The following MPDZ variants were observed in gnomAD, a reference collection of about 807,000 sequenced individuals.
MPDZ encodes the protein multiple PDZ domain crumbs cell polarity complex component.
A neutral mutation model predicts 239.1 loss-of-function variants in MPDZ; 234 were observed. The observed-to-expected ratio is 0.98, with a 90% CI of 0.88 to 1.09. The LOEUF (loss-of-function observed/expected upper bound fraction) is 1.09. MPDZ is among the 50% of genes least tolerant of loss of function. The pLI is 0.00. For synonymous variants in MPDZ, 1,048 were observed against 881.3 expected (o/e 1.19, Z -3.35); for missense variants, 3,175 against 2,510.0 (o/e 1.26, Z -5.66).
rs887530354 is a variant in MPDZ at position 13,221,927 on chromosome 9, T to C, written c.747+306A>G. Among the ~76,000 whole-genome samples, 5 of 152,214 alleles carry C rather than the reference T, an allele frequency of 3.3e-5. No homozygotes were observed. The South Asian group carries it at 8.3e-4, about 25-fold the overall frequency. ...TAACTCTAACAATATAATTGTATAA[T>C]TTTTAAAGCAAAATCAAGCTTGTAT... On this transcript the variant is annotated intron_variant, in intron 6 of 46. Coordinates refer to ENST00000319217, the MANE Select transcript of MPDZ (RefSeq NM_001378778.1).
At chr9:13,179,457 T>C (rs901178232) in intron 19 of MPDZ, among the ~76,000 whole-genome samples, 1 of 152,122 alleles carries the variant, frequency 6.6e-6, no homozygotes, top group Non-Finnish European at 1.5e-5. Context: ...GCATTATTCA[T>C]GAAGGAGTTA....
intron 1 of MPDZ, among the ~76,000 whole-genome samples, chr9:13,278,829 C>G (rs1300637047): frequency 1.3e-5 from 2 of 152,010 alleles, no homozygotes; most frequent in Admixed American, 6.5e-5. Context: ...GCTGCCCACT[C>G]TCTACCGCAA....
chr9:13,237,714 T>A (rs537834462), intron 3 of MPDZ, among the ~76,000 whole-genome samples: 2 of 152,146 alleles, frequency 1.3e-5, no homozygotes, highest in Non-Finnish European at 2.9e-5. Flanking sequence ...CCGCCCATAA[T>A]AAAATTTGAG....
At position 13,175,877 on chromosome 9, in the gene MPDZ, T is replaced by C. The variant is rs761966093; in HGVS notation, c.2932-2A>G. ...CTGTTCAAGCAGGTACTCAGAGCCCTTTAAGAAAGAAAAAGAAGTCACAAG... is the reference window on the plus strand; with the variant it reads ...CTGTTCAAGCAGGTACTCAGAGCCCCTTAAGAAAGAAAAAGAAGTCACAAG... On this transcript the variant is annotated splice_acceptor_variant, in intron 20 of 46. Transcript: ENST00000319217. LOFTEE classifies it high-confidence loss of function. 8.8e-6 allele frequency: 14 copies of C among 1,583,596 alleles called. No individual in the cohort carries two copies. The highest frequency in any genetic ancestry group is 1.2e-5 in the Non-Finnish European group (14 of 1,166,986).
Position 13,152,574 on chromosome 9 carries a change from C to T in MPDZ, c.3453-1886G>A, listed in dbSNP as rs2133132151. Reference sequence around the variant, plus strand: ...TCCCAAGTCACGTGGAACTGTGAGTCCATTAAACCTCTTTCTTTTGTAAAT... The same window carrying T: ...TCCCAAGTCACGTGGAACTGTGAGTTCATTAAACCTCTTTCTTTTGTAAAT... On this transcript the variant is annotated intron_variant, in intron 24 of 46. Coordinates refer to ENST00000319217, the MANE Select transcript of MPDZ (RefSeq NM_001378778.1). Among the ~76,000 whole-genome samples the T allele has an allele frequency of 2.6e-5, 4 of 152,096 alleles. 1 individual carries two copies. Among genetic ancestry groups the T allele is most frequent in the Admixed American group, 2.6e-4 (4 of 15,236 alleles).
intron 39 of MPDZ, among the ~76,000 whole-genome samples, chr9:13,117,927 C>T (rs1943734652): frequency 6.6e-6 from 1 of 151,280 alleles, no homozygotes; most frequent in Admixed American, 6.6e-5. Context: ...TTACTGCAAC[C>T]TCTGCCTCCC....
intron 1 of MPDZ, among the ~76,000 whole-genome samples, chr9:13,257,461 A>G (rs1969705468): frequency 1.3e-5 from 2 of 152,206 alleles, no homozygotes; most frequent in Admixed American, 1.3e-4. Flanking sequence ...CATATTTTCC[A>G]AACTGTCTCA....
chr9:13,136,478 C>A (rs1211026200), intron 30 of MPDZ, among the ~76,000 whole-genome samples: 1 of 151,328 alleles, frequency 6.6e-6, no homozygotes, highest in African/African-American at 2.4e-5. Context: ...ACTACAGGTG[C>A]GTGCCACCAC....
chr9:13,119,495 T>A lies in MPDZ; in HGVS notation c.5379+7A>T, dbSNP rs1398002887. On this transcript the variant is annotated splice_region_variant and intron_variant, in intron 39 of 46. Coordinates refer to ENST00000319217, the MANE Select transcript of MPDZ (RefSeq NM_001378778.1). ...TATTACACAGAATTATTTTTTGCAT[T>A]TTTTACCTTTAGCAAAGCGGCAACC... The A allele has an allele frequency of 6.2e-7, 1 of 1,605,954 alleles. No individual in the cohort carries two copies. Among genetic ancestry groups the A allele is most frequent in the South Asian group, 1.1e-5 (1 of 89,400 alleles).
At chr9:13,274,312 G>A (rs1193192673) in intron 1 of MPDZ, among the ~76,000 whole-genome samples, 2 of 144,192 alleles carry the variant, frequency 1.4e-5, no homozygotes, top group South Asian at 4.3e-4. Context: ...TTTAATAAAT[G>A]TTTCATTTTT....
At chr9:13,180,924 C>A (rs1272118677) in intron 19 of MPDZ, among the ~76,000 whole-genome samples, 1 of 152,012 alleles carries the variant, frequency 6.6e-6, no homozygotes, top group African/African-American at 2.4e-5. Context: ...GAGGAAGAGC[C>A]CCAACATATG....
chr9:13,228,152 C>T (rs999690884), intron 3 of MPDZ, among the ~76,000 whole-genome samples: 3 of 151,982 alleles, frequency 2.0e-5, no homozygotes, highest in African/African-American at 7.2e-5. Flanking sequence ...TACAGATAAA[C>T]ATTCTGTATA....
chr9:13,150,737 A>G, intron 24 of MPDZ, 49 bp from the exon 25 acceptor site: 1 of 1,216,284 alleles, frequency 8.2e-7, no homozygotes, highest in Non-Finnish European at 1.1e-6. Flanking sequence ...CATAAGGGTA[A>G]AGCTTCATGA....
At chr9:13,255,610 T>A (rs1183478145) in intron 1 of MPDZ, among the ~76,000 whole-genome samples, 1 of 152,212 alleles carries the variant, frequency 6.6e-6, no homozygotes, top group Non-Finnish European at 1.5e-5. Context: ...TCTCTCTTGA[T>A]GAAACTCTAT....
chr9:13,185,502 C>CA (rs1349682655), intron 18 of MPDZ, among the ~76,000 whole-genome samples: 1 of 151,924 alleles, frequency 6.6e-6, no homozygotes, highest in Non-Finnish European at 1.5e-5. Context: ...GTTTGCCCCA[C>CA]AAAAAACGTT....
At chr9:13,223,533 TG>T in intron 5 of MPDZ, 37 bp downstream of exon 5, 10 of 1,561,360 alleles carry the variant, frequency 6.4e-6, no homozygotes, top group Non-Finnish European at 8.6e-6. Flanking sequence ...CTTCAGAATG[TG>T]GGATCAAAAA....
chr9:13,256,767 G>A (rs1188086229), intron 1 of MPDZ, among the ~76,000 whole-genome samples: 1 of 152,044 alleles, frequency 6.6e-6, no homozygotes, highest in African/African-American at 2.4e-5. Context: ...ATAATAAAGG[G>A]CATGAAATAT....
chr9:13,240,947 T>C (rs957765990), intron 3 of MPDZ, among the ~76,000 whole-genome samples: 6 of 152,274 alleles, frequency 3.9e-5, no homozygotes, highest in East Asian at 1.9e-4. Flanking sequence ...AAAAATACCA[T>C]ACAATTATCA....
intron 1 of MPDZ, among the ~76,000 whole-genome samples, chr9:13,270,133 C>T (rs1440348457): frequency 1.3e-5 from 2 of 152,128 alleles, no homozygotes; most frequent in Admixed American, 6.5e-5. Context: ...TATTTAAATG[C>T]CTCCATTAAC....
Sources: gnomAD v4.1 joint callset for allele counts (sites outside exome capture counted in the v4.1 genomes callset) on GRCh38, gnomAD v4.1.1 for gene constraint, MANE v1.5 for transcripts, NCBI Gene and HGNC (gene_info 2026-07-23, HGNC 2026-07-21) for gene names.